The following ATP13A5 variants were observed in gnomAD, a reference collection of about 807,000 sequenced individuals.
The protein encoded by ATP13A5 is probable cation-transporting ATPase 13A5.
A neutral mutation model predicts 150.2 loss-of-function variants in ATP13A5; 149 were observed. The observed-to-expected ratio is 0.99, with a 90% CI of 0.87 to 1.14. The LOEUF is 1.14. Ranked by LOEUF, ATP13A5 falls within the 50% of genes most tolerant of loss-of-function variation. The probability of loss-of-function intolerance (pLI) is 0.00; values close to 1 mark genes in which losing one functional copy is unlikely to be tolerated. For missense variants in ATP13A5, 1,383 were observed against 1,449.3 expected (o/e 0.95, Z 0.74); for synonymous variants, 497 against 522.2 (o/e 0.95, Z 0.66).
intron 2 of ATP13A5, 121 bp from the exon 3 acceptor site, chr3:193,363,503 A>C: frequency 7.0e-6 from 6 of 854,876 alleles, no homozygotes; most frequent in Non-Finnish European, 8.7e-6. Context: ...GCTTTATCTC[A>C]GAACTTAGTA....
At chr3:193,307,978 A>G (rs1718681276) in intron 21 of ATP13A5, among the ~76,000 whole-genome samples, 1 of 152,230 alleles carries the variant, frequency 6.6e-6, no homozygotes, top group Non-Finnish European at 1.5e-5. Flanking sequence ...GATGTAAGAC[A>G]CTGCCTGCCT....
At chr3:193,308,976 A>G (rs1408227300) in intron 21 of ATP13A5, among the ~76,000 whole-genome samples, 1 of 152,196 alleles carries the variant, frequency 6.6e-6, no homozygotes, top group East Asian at 1.9e-4. Context: ...AGACTTCCCT[A>G]TGAATGCTTG....
rs1713141952 is a variant in ATP13A5 at position 193,364,021 on chromosome 3, A to G, written c.237+86T>C. On this transcript the variant is annotated intron_variant, in intron 2 of 29. Transcript: ENST00000342358. ...ATAGAGGAAATCTACCTTCTGAAAT[A>G]TAATACCAGCCACAGAGTTATGCCA... The G allele has an allele frequency of 3.6e-6, 5 of 1,394,136 alleles. No homozygotes were observed. In the African/African-American group the frequency reaches 7.2e-5, roughly 20 times the overall value. The allele number at this position is 1,394,136 out of a possible 1,614,324, so 86.4% of individuals were successfully genotyped here. A position where few individuals can be genotyped will look rare whatever the true frequency, so the allele number is the denominator to read the frequency against.
intron 7 of ATP13A5, among the ~76,000 whole-genome samples, chr3:193,345,948 T>A (rs1270141726): frequency 6.6e-6 from 1 of 152,026 alleles, no homozygotes; most frequent in East Asian, 1.9e-4. Flanking sequence ...TGTGAATGTT[T>A]GGGTTGTGTT....
intron 1 of ATP13A5, among the ~76,000 whole-genome samples, chr3:193,365,888 G>C (rs1365281682): frequency 6.6e-6 from 1 of 152,018 alleles, no homozygotes; most frequent in Admixed American, 6.6e-5. Flanking sequence ...CAGCTATATA[G>C]TGCTAATAGC....
intron 7 of ATP13A5, among the ~76,000 whole-genome samples, chr3:193,347,078 T>G (rs778795221): frequency 6.6e-6 from 1 of 152,156 alleles, no homozygotes; most frequent in Non-Finnish European, 1.5e-5. Flanking sequence ...TTGGATCACT[T>G]TCAAGTTATA....
intron 1 of ATP13A5, among the ~76,000 whole-genome samples, chr3:193,373,716 G>A (rs1327071610): frequency 6.6e-6 from 1 of 152,102 alleles, no homozygotes; most frequent in African/African-American, 2.4e-5. Flanking sequence ...GAGAGCTAGT[G>A]GTATTGTTCT....
In ATP13A5 at chr3:193,284,959, T is replaced by C; in HGVS notation, c.3181A>G (p.Ile1061Val). 3 of 1,614,096 alleles carry C rather than the reference T, an allele frequency of 1.9e-6. No homozygotes were observed. Among genetic ancestry groups the C allele is most frequent in the Non-Finnish European group, 2.5e-6 (3 of 1,179,950 alleles). ...CGAAATGGCTTTCCCTTAGAAAAGA[T>C]GAATGCTACTGTGATATAGTTGATG... ...TTINYITVAF[I>V]FSKGKPFRKP... Residue 1061 changes from isoleucine (I) to valine (V), a missense_variant, in exon 27 of 30, where the codon ATC becomes GTC. Ile to Val is a conservative substitution (Grantham distance 29). This residue lies in a region of ATP13A5 where 568 missense variants were observed against 621.5 expected (regional missense o/e 0.91). Coordinates refer to ENST00000342358, the MANE Select transcript of ATP13A5 (RefSeq NM_198505.4).
At chr3:193,323,540 G>A (rs1310355733) in intron 14 of ATP13A5, 2 of 152,184 alleles carry the variant, frequency 1.3e-5, no homozygotes, top group Non-Finnish European at 2.9e-5. Flanking sequence ...CTCCTATAAT[G>A]GAGAGGGGGA....
intron 23 of ATP13A5, among the ~76,000 whole-genome samples, chr3:193,302,969 T>C (rs545313744): frequency 6.6e-6 from 1 of 152,318 alleles, no homozygotes; most frequent in Admixed American, 6.5e-5. Context: ...TCATGACTTG[T>C]ATTCCGTAAC....
chr3:193,351,676 A>T lies in ATP13A5; in HGVS notation c.607-475T>A, dbSNP rs576995135. On this transcript the variant is annotated intron_variant, in intron 6 of 29. Transcript: ENST00000342358. ...TACTTTTTTATTCAGGTCATTTAAAAATAGCATATCTTTCATGTCACAGGT... is the reference window on the plus strand; with the variant it reads ...TACTTTTTTATTCAGGTCATTTAAATATAGCATATCTTTCATGTCACAGGT... 2.0e-5 allele frequency among the ~76,000 whole-genome samples: 3 copies of T among 152,308 alleles called. No homozygotes were observed. In the East Asian group the frequency reaches 5.8e-4, roughly 29 times the overall value.
At chr3:193,360,807 G>T (rs1712977550) in intron 5 of ATP13A5, among the ~76,000 whole-genome samples, 1 of 152,112 alleles carries the variant, frequency 6.6e-6, no homozygotes, top group African/African-American at 2.4e-5. Context: ...CTCCTGAGTA[G>T]CTGGGACTAC....
rs1325204189 is a variant in ATP13A5 at position 193,275,097 on chromosome 3, C to A, written c.3602G>T (p.Arg1201Ile). 6.2e-7 allele frequency: 1 copy of A among 1,614,156 alleles called. No homozygotes were observed. The highest frequency in any genetic ancestry group is 2.2e-5 in the East Asian group (1 of 44,882). The change falls in exon 30 of 30, where the codon AGA becomes ATA. Residue 1201 changes from arginine to isoleucine, a missense_variant. Coordinates refer to ENST00000342358, the MANE Select transcript of ATP13A5 (RefSeq NM_198505.4). ...GYESHEQIPK[R>I]KLKLGGQPTE... is the part of the protein sequence containing the mutation. ...GGGTTGGCCTCCCAATTTGAGTTTTCTTTTTGGAATCTGTTCATGGCTTTC... is the reference window on the plus strand; with the variant it reads ...GGGTTGGCCTCCCAATTTGAGTTTTATTTTTGGAATCTGTTCATGGCTTTC...
Position 193,276,813 on chromosome 3 carries a change from T to C in ATP13A5, c.3333A>G (p.Thr1111=). ...CCACCAAAATTAAAACCCTCCACGATGTTATGGTTGGGATCAACTGTTGAA... is the reference window on the plus strand; with the variant it reads ...CCACCAAAATTAAAACCCTCCACGACGTTATGGTTGGGATCAACTGTTGAA... The part of the protein sequence containing the change: ...YRGMELIPTI[T]SWRVLILVVA... The change falls in exon 29 of 30, where the codon ACA becomes ACG. Residue 1111 remains threonine (T), a synonymous_variant. Coordinates refer to ENST00000342358, the MANE Select transcript of ATP13A5 (RefSeq NM_198505.4). The C allele has an allele frequency of 6.2e-7, 1 of 1,613,598 alleles. No individual in the cohort carries two copies. The highest frequency in any genetic ancestry group is 8.5e-7 in the Non-Finnish European group (1 of 1,179,696).
At chr3:193,369,885 G>A (rs1713383540) in intron 1 of ATP13A5, among the ~76,000 whole-genome samples, 1 of 152,148 alleles carries the variant, frequency 6.6e-6, no homozygotes. Flanking sequence ...GAGAGAAAAA[G>A]CAGCTCAGTC....
intron 25 of ATP13A5, among the ~76,000 whole-genome samples, chr3:193,297,316 A>C (rs1264833270): frequency 6.6e-6 from 1 of 152,024 alleles, no homozygotes; most frequent in African/African-American, 2.4e-5. Flanking sequence ...GAATCAGATG[A>C]AAATGTGAAG....
chr3:193,324,251 T>C (rs899265004), intron 14 of ATP13A5, among the ~76,000 whole-genome samples: 1 of 152,214 alleles, frequency 6.6e-6, no homozygotes, highest in Non-Finnish European at 1.5e-5. Context: ...CCAGTTGGAA[T>C]GCAGTCCTCC....
At chr3:193,355,399 G>A (rs983957317) in intron 5 of ATP13A5, among the ~76,000 whole-genome samples, 2 of 152,216 alleles carry the variant, frequency 1.3e-5, no homozygotes, top group Middle Eastern at 6.8e-3. Flanking sequence ...TTCCAGGATC[G>A]CAAAGCTAGA....
At chr3:193,347,991 A>G (rs535577820) in intron 7 of ATP13A5, among the ~76,000 whole-genome samples, 1 of 152,348 alleles carries the variant, frequency 6.6e-6, no homozygotes, top group East Asian at 1.9e-4. Flanking sequence ...GGATTCCTCT[A>G]GAGCCTATCA....
Sources: allele counts gnomAD v4.1 joint callset (sites outside exome capture counted in the v4.1 genomes callset), GRCh38; gene constraint gnomAD v4.1.1; regional missense constraint gnomAD v4.1.1; transcripts MANE v1.5; gene names NCBI Gene and HGNC (gene_info 2026-07-23, HGNC 2026-07-21).